Variants in VAV2 observed in about 807,000 individuals in gnomAD.
The protein encoded by VAV2 is guanine nucleotide exchange factor VAV2.
A neutral mutation model predicts 132.5 loss-of-function variants in VAV2; 67 were observed. That is an observed-to-expected ratio of 0.51 (90% CI 0.42 to 0.62). The LOEUF (loss-of-function observed/expected upper bound fraction) is 0.62, where lower values mean the gene tolerates loss of function less well. VAV2 is among the 20% of genes least tolerant of loss of function. The probability of loss-of-function intolerance (pLI) is 0.00; values close to 1 mark genes in which losing one functional copy is unlikely to be tolerated. For synonymous variants in VAV2, 492 were observed against 443.5 expected, an observed-to-expected ratio of 1.11 and a Z score of -1.37; for missense variants, 938 against 1,153.6, an observed-to-expected ratio of 0.81 and a Z score of 2.71.
chr9:133,976,629 A>G (rs62577871), intron 1 of VAV2, among the ~76,000 whole-genome samples: 2,323 of 152,318 alleles, frequency 0.015, 32 homozygotes, highest in South Asian at 0.034. Context: ...CAGACCCCCA[A>G]GCCCCTGAGA....
At position 133,789,287 on chromosome 9, in the gene VAV2, C is replaced by T. The variant is rs535241176; in HGVS notation, c.1245G>A (p.Arg415=). ...RPKIDGELKV[R]SIVNHTKQDR... Reference sequence around the variant, plus strand: ...CCTGCTTGGTGTGGTTGACTATGGACCGGACTTTCAGTTCCCCGTCAATCT... The same window carrying T: ...CCTGCTTGGTGTGGTTGACTATGGATCGGACTTTCAGTTCCCCGTCAATCT... The change falls in exon 14 of 30, where the codon CGG becomes CGA. Residue 415 remains arginine (R), a synonymous_variant. Transcript: ENST00000371850. The T allele has an allele frequency of 3.7e-6, 6 of 1,614,130 alleles. No individual in the cohort carries two copies. In the East Asian group the frequency reaches 1.1e-4, roughly 30 times the overall value.
At chr9:133,901,597 G>A (rs1003980235) in intron 2 of VAV2, among the ~76,000 whole-genome samples, 16 of 152,252 alleles carry the variant, frequency 1.1e-4, no homozygotes. Context: ...GGCTGGCCCT[G>A]AGCCGCAGGG....
chr9:133,959,125 C>G (rs1032674801), intron 1 of VAV2, among the ~76,000 whole-genome samples: 1 of 152,214 alleles, frequency 6.6e-6, no homozygotes, highest in South Asian at 2.1e-4. Context: ...CTCCTCCATG[C>G]TGACAGCTAC....
intron 12 of VAV2, among the ~76,000 whole-genome samples, chr9:133,792,935 T>C (rs1834555368): frequency 6.6e-6 from 1 of 151,948 alleles, no homozygotes; most frequent in Non-Finnish European, 1.5e-5. Flanking sequence ...TTAAACATCC[T>C]AATAGAGGGA....
intron 3 of VAV2, among the ~76,000 whole-genome samples, chr9:133,856,996 C>T (rs1022904335): frequency 7.2e-5 from 11 of 152,172 alleles, no homozygotes; most frequent in African/African-American, 1.9e-4. Flanking sequence ...AGCAACCCCG[C>T]GAGGCAGAGT....
At chr9:133,987,035 ATATT>A (rs1394849222) in intron 1 of VAV2, among the ~76,000 whole-genome samples, 4 of 149,224 alleles carry the variant, frequency 2.7e-5, no homozygotes, top group East Asian at 1.9e-4. Flanking sequence ...TATTTATTAT[ATATT>A]TATTTATTTA....
intron 2 of VAV2, among the ~76,000 whole-genome samples, chr9:133,865,569 C>G (rs1199674671): frequency 1.3e-5 from 2 of 152,016 alleles, no homozygotes; most frequent in African/African-American, 4.8e-5. Context: ...GTTCTTTTCT[C>G]AAATTCCATC....
chr9:133,822,816 C>T (rs112016577), intron 4 of VAV2, among the ~76,000 whole-genome samples: 4,152 of 143,784 alleles, frequency 0.029, 168 homozygotes, highest in African/African-American at 0.11. Flanking sequence ...AAGAACAGCC[C>T]CTGGGCCAGG....
chr9:133,979,272 C>G (rs1483653137), intron 1 of VAV2, among the ~76,000 whole-genome samples: 1 of 152,200 alleles, frequency 6.6e-6, no homozygotes, highest in Non-Finnish European at 1.5e-5. Flanking sequence ...CCCCCTTTGA[C>G]AGCGGAGAAT....
At chr9:133,945,642 G>C (rs1260426013) in intron 1 of VAV2, among the ~76,000 whole-genome samples, 1 of 152,202 alleles carries the variant, frequency 6.6e-6, no homozygotes. Context: ...TCAGTCCCAG[G>C]AGTGGCACTC....
intron 1 of VAV2, among the ~76,000 whole-genome samples, chr9:133,977,849 C>T (rs552111512): frequency 1.4e-4 from 21 of 152,250 alleles, no homozygotes; most frequent in African/African-American, 3.6e-4. Flanking sequence ...AGGAAGGCCA[C>T]GCCAAGTCCA....
At chr9:133,964,373 C>G (rs560394994) in intron 1 of VAV2, among the ~76,000 whole-genome samples, 1 of 151,412 alleles carries the variant, frequency 6.6e-6, no homozygotes, top group South Asian at 2.1e-4. Flanking sequence ...TACATTTGTA[C>G]AAATATATAC....
At chr9:133,836,603 C>T (rs1313144431) in intron 3 of VAV2, among the ~76,000 whole-genome samples, 5 of 152,154 alleles carry the variant, frequency 3.3e-5, no homozygotes, top group Admixed American at 2.0e-4. Flanking sequence ...TGCTTTCTCA[C>T]GTAGAATGTA....
At chr9:133,967,933 CAA>C (rs34152925) in intron 1 of VAV2, among the ~76,000 whole-genome samples, 41 of 71,348 alleles carry the variant, frequency 5.7e-4, no homozygotes, top group South Asian at 3.7e-3. Flanking sequence ...ACTCTATAAC[CAA>C]AAAAAAAAAA....
intron 25 of VAV2, among the ~76,000 whole-genome samples, chr9:133,773,400 A>G (rs506278): frequency 0.36 from 55,342 of 152,110 alleles, 10,642 homozygotes; most frequent in Non-Finnish European, 0.43. Context: ...AGTGGTGAGT[A>G]AATGTGAAGG....
intron 18 of VAV2, among the ~76,000 whole-genome samples, chr9:133,784,063 TACAG>T (rs1371699605): frequency 6.6e-6 from 1 of 152,134 alleles, no homozygotes; most frequent in African/African-American, 2.4e-5. Context: ...GTATTTTTTG[TACAG>T]ACAGAGTTTT....
chr9:133,908,932 G>A lies in VAV2; in HGVS notation c.321+30171C>T, dbSNP rs927255767. ...GCCCAGTGGGCATGCAGGCAGCTGC[G>A]CTCCCAGAATCTCCACACAGAACTC... On this transcript the variant is annotated intron_variant, in intron 2 of 29. Coordinates refer to ENST00000371850, the MANE Select transcript of VAV2 (RefSeq NM_001134398.2). Among the ~76,000 whole-genome samples, 6 of 152,366 alleles carry A rather than the reference G, an allele frequency of 3.9e-5. 1 individual carries two copies. The highest frequency in any genetic ancestry group is 1.4e-4 in the African/African-American group (6 of 41,586).
chr9:133,977,381 G>A (rs1842548510), intron 1 of VAV2, among the ~76,000 whole-genome samples: 1 of 152,166 alleles, frequency 6.6e-6, no homozygotes, highest in Admixed American at 6.5e-5. Flanking sequence ...AGGCACAGAT[G>A]GCCCAGTCAC....
In VAV2 at chr9:133,928,676, G is replaced by A. The variant is rs773686806; in HGVS notation, c.321+10427C>T. On this transcript the variant is annotated intron_variant, in intron 2 of 29. Coordinates refer to ENST00000371850, the MANE Select transcript of VAV2 (RefSeq NM_001134398.2). This position sits in a 1 kb window ranked among gnomAD's most constrained non-coding sequence, Gnocchi z 5.4. ...CGGGGCCTGGGTGTGGAGATAAGGG[G>A]TGCTGGATCAATACCCCAAGGTTAC... 6.6e-6 allele frequency among the ~76,000 whole-genome samples: 1 copy of A among 152,156 alleles called. No homozygotes were observed. The highest frequency in any genetic ancestry group is 1.5e-5 in the Non-Finnish European group (1 of 68,030).
Sources: gnomAD v4.1 joint callset for allele counts (sites outside exome capture counted in the v4.1 genomes callset) on GRCh38, gnomAD v4.1.1 for gene constraint, Gnocchi (gnomAD v3.1) non-coding constraint, MANE v1.5 for transcripts, NCBI Gene and HGNC (gene_info 2026-07-23, HGNC 2026-07-21) for gene names.